CFAP251: variants seen among roughly 807,000 people sequenced by gnomAD.
CFAP251 encodes the protein cilia- and flagella-associated protein 251.
Under a neutral mutation model 126.7 loss-of-function variants are expected in CFAP251, and 93 were observed. The observed-to-expected ratio is 0.73, with a 90% CI of 0.62 to 0.87. The LOEUF is 0.87. Ranked by LOEUF, CFAP251 falls within the 40% of genes least tolerant of loss-of-function variation. The probability of loss-of-function intolerance (pLI) is 0.00; values close to 1 mark genes in which losing one functional copy is unlikely to be tolerated. For missense variants in CFAP251, 1,287 were observed against 1,389.2 expected (o/e 0.93, Z 1.17); for synonymous variants, 503 against 506.9 (o/e 0.99, Z 0.10).
chr12:121,973,061 A>G (rs1055042142), intron 17 of CFAP251, among the ~76,000 whole-genome samples: 2 of 152,184 alleles, frequency 1.3e-5, no homozygotes, highest in Non-Finnish European at 2.9e-5. Flanking sequence ...CCCTCCCATC[A>G]CAGTCCTGGA....
intron 19 of CFAP251, among the ~76,000 whole-genome samples, chr12:121,981,673 C>G (rs1325855390): frequency 6.6e-6 from 1 of 152,226 alleles, no homozygotes; most frequent in Non-Finnish European, 1.5e-5. Context: ...CTATGAAAGT[C>G]ACCAAAATGC....
At chr12:121,923,148 C>T (rs1000320320) in intron 2 of CFAP251, among the ~76,000 whole-genome samples, 2 of 148,120 alleles carry the variant, frequency 1.4e-5, no homozygotes, top group African/African-American at 2.5e-5. Context: ...CCCTTCCTGT[C>T]CCTTCTTCTC....
intron 4 of CFAP251, chr12:121,933,394 A>C (rs1308543488): frequency 2.0e-5 from 3 of 152,732 alleles, no homozygotes; most frequent in African/African-American, 7.2e-5. Context: ...TGGCTGCTGC[A>C]CCATGAGGGA....
intron 19 of CFAP251, chr12:121,997,558 C>T (rs926060000): frequency 4.6e-5 from 7 of 151,176 alleles, no homozygotes; most frequent in Non-Finnish European, 8.8e-5. Flanking sequence ...GAAAGTCTTT[C>T]CATTTACTTA....
intron 7 of CFAP251, among the ~76,000 whole-genome samples, chr12:121,946,749 T>C (rs548063738): frequency 6.8e-6 from 1 of 146,562 alleles, no homozygotes; most frequent in East Asian, 2.0e-4. Flanking sequence ...CCTGGCTAAT[T>C]TTTTTTTTTT....
At chr12:121,968,492 C>T (rs1317175789) in intron 17 of CFAP251, among the ~76,000 whole-genome samples, 2 of 152,152 alleles carry the variant, frequency 1.3e-5, no homozygotes, top group African/African-American at 4.8e-5. Context: ...GCATATACTA[C>T]GGAAATAGTA....
At chr12:122,000,086 G>A in intron 20 of CFAP251, 142 bp downstream of exon 20, 1 of 722,314 alleles carries the variant, frequency 1.4e-6, no homozygotes, top group Non-Finnish European at 2.2e-6. Flanking sequence ...GAGGGGTCTG[G>A]CTGACCCACC....
chr12:121,970,239 T>C (rs1006315015), intron 17 of CFAP251, among the ~76,000 whole-genome samples: 12 of 152,172 alleles, frequency 7.9e-5, no homozygotes, highest in African/African-American at 2.9e-4. Flanking sequence ...CTTCTTCTCC[T>C]GCTCCGTGCT....
At chr12:121,919,108 T>C (rs1349536957) in intron 1 of CFAP251, among the ~76,000 whole-genome samples, 1 of 56,206 alleles carries the variant, frequency 1.8e-5, no homozygotes, top group East Asian at 4.5e-4. Flanking sequence ...CAAACTCATT[T>C]ATCCATTCAT....
At chr12:121,942,809 A>G (rs1215222891) in intron 6 of CFAP251, 86 bp from the exon 7 acceptor site, 3 of 1,467,220 alleles carry the variant, frequency 2.0e-6, no homozygotes, top group Non-Finnish European at 2.9e-6. Flanking sequence ...AGTTACTTGA[A>G]GTTTTGGGGT....
Position 121,960,683 on chromosome 12 carries a change from T to C in CFAP251, c.2232T>C (p.Ile744=). The C allele has an allele frequency of 1.2e-6, 2 of 1,614,062 alleles. No homozygotes were observed. The highest frequency in any genetic ancestry group is 1.7e-6 in the Non-Finnish European group (2 of 1,179,970). Residue 744 remains isoleucine, a synonymous_variant, in exon 14 of 22, where the codon ATT becomes ATC. Coordinates refer to ENST00000288912, the MANE Select transcript of CFAP251 (RefSeq NM_144668.6). ...GACTTCGCTCTCATCGCAAAAGCAT[T>C]CGAAGTCTCCTGTTTGGGGTTTACC... ...LARLRSHRKS[I]RSLLFGVYLD...
At chr12:121,968,741 G>A in intron 17 of CFAP251, 1 of 250,550 alleles carries the variant, frequency 4.0e-6, no homozygotes, top group Non-Finnish European at 6.3e-6. Flanking sequence ...CAAAATGAGG[G>A]TGATAGCATG....
chr12:121,950,542 G>T (rs1881482595), intron 8 of CFAP251: 1 of 152,116 alleles, frequency 6.6e-6, no homozygotes, highest in Non-Finnish European at 1.5e-5. Context: ...CATTATTTAA[G>T]ATATTTATTA....
chr12:121,958,174 G>T, intron 11 of CFAP251, 98 bp from the exon 12 acceptor site: 1 of 1,508,228 alleles, frequency 6.6e-7, no homozygotes, highest in Non-Finnish European at 9.0e-7. Context: ...CTAAATTACA[G>T]ACGACAGAGG....
rs748370879 is a variant in CFAP251, at chr12:121,954,366, G to T, written c.1535+32G>T. On this transcript the variant is annotated intron_variant, in intron 10 of 21. Transcript: ENST00000288912. Reference sequence around the variant, plus strand: ...TTAACTTAATTAAAAGATAACTATGGATAATTATAAAAATATTTTAAAATT... The same window carrying T: ...TTAACTTAATTAAAAGATAACTATGTATAATTATAAAAATATTTTAAAATT... The T allele has an allele frequency of 5.2e-6, 8 of 1,544,138 alleles. No homozygotes were observed. The African/African-American group carries it at 1.1e-4, about 22-fold the overall frequency.
At chr12:121,993,805 AGCCCCCCGCCCGGCCAGCCG>A (rs1882946770) in intron 19 of CFAP251, among the ~76,000 whole-genome samples, 1 of 133,474 alleles carries the variant, frequency 7.5e-6, no homozygotes, top group African/African-American at 2.8e-5. Flanking sequence ...TGGGGGGGTC[AGCCCCCCGCCCGGCCAGCCG>A]CCCCGTCCGG....
At chr12:121,927,444 C>G (rs914884540) in intron 3 of CFAP251, among the ~76,000 whole-genome samples, 2 of 151,964 alleles carry the variant, frequency 1.3e-5, no homozygotes, top group African/African-American at 4.8e-5. Flanking sequence ...ATTATAGGCA[C>G]GCACCACCAT....
At chr12:121,990,349 C>T (rs1279184649) in intron 19 of CFAP251, among the ~76,000 whole-genome samples, 1 of 152,202 alleles carries the variant, frequency 6.6e-6, no homozygotes, top group Non-Finnish European at 1.5e-5. Context: ...ACACCAGGGG[C>T]ACAGGTTGGC....
chr12:121,979,390 A>G (rs1882558175), intron 19 of CFAP251, among the ~76,000 whole-genome samples: 1 of 151,980 alleles, frequency 6.6e-6, no homozygotes. Flanking sequence ...GCATCGGAGC[A>G]TTTACTGACT....
Sources: allele counts gnomAD v4.1 joint callset (sites outside exome capture counted in the v4.1 genomes callset), GRCh38; gene constraint gnomAD v4.1.1; transcripts MANE v1.5; gene names NCBI Gene and HGNC (gene_info 2026-07-23, HGNC 2026-07-21).